Variants in PLXND1 observed in about 807,000 individuals in gnomAD.
PLXND1 encodes plexin-D1.
A neutral mutation model predicts 197.7 loss-of-function variants in PLXND1; 54 were observed. That is an observed-to-expected ratio of 0.27 (90% CI 0.22 to 0.34). PLXND1 has a LOEUF of 0.34. Ranked by LOEUF, PLXND1 falls within the 10% of genes least tolerant of loss-of-function variation. The pLI is 1.00. For synonymous variants in PLXND1, 1,180 were observed against 1,161.2 expected, an observed-to-expected ratio of 1.02 and a Z score of -0.33; for missense variants, 2,127 against 2,699.2, an observed-to-expected ratio of 0.79 and a Z score of 4.70.
chr3:129,604,116 C>T (rs186837397), intron 1 of PLXND1, among the ~76,000 whole-genome samples: 3 of 152,270 alleles, frequency 2.0e-5, no homozygotes, highest in East Asian at 1.9e-4. Context: ...ATGCTGATTC[C>T]GTCAACCTGG....
At chr3:129,583,909 T>C (rs1208148293) in intron 7 of PLXND1, among the ~76,000 whole-genome samples, 1 of 152,208 alleles carries the variant, frequency 6.6e-6, no homozygotes, top group African/African-American at 2.4e-5. Flanking sequence ...CAAAGCACTT[T>C]GCCCCGTCCC....
Position 129,605,877 on chromosome 3 carries a change from A to C in PLXND1, c.763T>G (p.Phe255Val), listed in dbSNP as rs2085784740. ...TTGTCGTCGGAGGGGTTGAGGTCGAAGGTGAAGAGCTTGGCCAGGTCGCCG... is the reference window on the plus strand; with the variant it reads ...TTGTCGTCGGAGGGGTTGAGGTCGACGGTGAAGAGCTTGGCCAGGTCGCCG... The part of the protein sequence containing the change: ...TRGDLAKLFT[F>V]DLNPSDDNIL... Residue 255 changes from phenylalanine to valine, a missense_variant, in exon 1 of 36, where the codon TTC (phenylalanine) becomes GTC (valine). By Grantham distance (50) the Phe-to-Val change is conservative. Transcript: ENST00000324093. 2 of 1,613,584 alleles carry C rather than the reference A, an allele frequency of 1.2e-6. No homozygotes were observed. The highest frequency in any genetic ancestry group is 1.7e-6 in the Non-Finnish European group (2 of 1,179,932).
At chr3:129,573,452 G>T in intron 13 of PLXND1, 142 bp downstream of exon 13, 1 of 809,924 alleles carries the variant, frequency 1.2e-6, no homozygotes, top group Non-Finnish European at 1.9e-6. Flanking sequence ...GAATGGCTTC[G>T]GCACAGGCCT....
intron 22 of PLXND1, among the ~76,000 whole-genome samples, chr3:129,567,254 G>A (rs2085153785): frequency 6.6e-6 from 1 of 152,170 alleles, no homozygotes; most frequent in Non-Finnish European, 1.5e-5. Context: ...AGGACAGCGG[G>A]GCTGCAGCTG....
intron 20 of PLXND1, chr3:129,569,452 A>G (rs2085190825): frequency 5.3e-6 from 1 of 187,636 alleles, no homozygotes. Flanking sequence ...TCTCTGCTAC[A>G]TCGAGTCTAT....
chr3:129,570,595 GC>G (rs1197052691), intron 19 of PLXND1, 190 bp downstream of exon 19: 2 of 621,836 alleles, frequency 3.2e-6, no homozygotes, highest in African/African-American at 3.7e-5. Flanking sequence ...CTGACCTCAA[GC>G]AAGTCACTAA....
At chr3:129,560,133 T>C (rs1418323941) in intron 31 of PLXND1, among the ~76,000 whole-genome samples, 197 bp downstream of exon 31, 2 of 152,238 alleles carry the variant, frequency 1.3e-5, no homozygotes, top group Non-Finnish European at 2.9e-5. Flanking sequence ...GCATTTTTCC[T>C]GGCTGTGAGA....
At chr3:129,573,282 G>C (rs2085264382) in intron 13 of PLXND1, among the ~76,000 whole-genome samples, 1 of 152,042 alleles carries the variant, frequency 6.6e-6, no homozygotes, top group African/African-American at 2.4e-5. Context: ...AGTAGCCCCA[G>C]CCTTTTTAAT....
intron 1 of PLXND1, among the ~76,000 whole-genome samples, chr3:129,594,900 A>T (rs1158978385): frequency 2.6e-5 from 4 of 151,478 alleles, no homozygotes; most frequent in Admixed American, 2.6e-4. Context: ...AGCAGGTCAC[A>T]TCTCCTGTGC....
chr3:129,600,601 G>A (rs1320860980), intron 1 of PLXND1, among the ~76,000 whole-genome samples: 1 of 151,822 alleles, frequency 6.6e-6, no homozygotes, highest in Non-Finnish European at 1.5e-5. Flanking sequence ...ACATTCTCAG[G>A]GCTGGGAGGG....
Position 129,571,611 on chromosome 3 carries a change from A to G in PLXND1, c.3246-12T>C. The G allele has an allele frequency of 6.2e-7, 1 of 1,613,890 alleles. No individual in the cohort carries two copies. The highest frequency in any genetic ancestry group is 8.5e-7 in the Non-Finnish European group (1 of 1,179,888). On this transcript the variant is annotated splice_polypyrimidine_tract_variant and intron_variant, in intron 16 of 35. Transcript: ENST00000324093. ...TGGTCCTGCCGCCACTGCGGGGGAC[A>G]GCAAAACCTATCAGTGCACCTGCAG...
chr3:129,574,489 G>A lies in PLXND1; in HGVS notation c.2532C>T (p.Val844=), dbSNP rs777177811. ...RFLDSPEPMT[V]MVYNCAMGSP... ...TGCCCATGGCACAGTTATAGACCAT[G>A]ACTGGGGAGACACGGGGCAGCTCGG... Residue 844 remains valine, a splice_region_variant and synonymous_variant, in exon 12 of 36, where the codon GTC becomes GTT. Coordinates refer to ENST00000324093, the MANE Select transcript of PLXND1 (RefSeq NM_015103.3). The A allele has an allele frequency of 1.1e-5, 18 of 1,612,278 alleles. No individual in the cohort carries two copies. Among genetic ancestry groups the A allele is most frequent in the Admixed American group, 6.7e-5 (4 of 59,954 alleles).
At chr3:129,562,035 G>C (rs767889015) in intron 27 of PLXND1, 132 bp from the exon 28 acceptor site, 26 of 661,474 alleles carry the variant, frequency 3.9e-5, no homozygotes, top group Non-Finnish European at 5.3e-5. Flanking sequence ...ACCTCTCTCT[G>C]AGCCTCCATT....
Position 129,578,439 on chromosome 3 carries a change from G to T in PLXND1, c.2242-6C>A. ...CGGGGGCAGTCCTGAGGGCTCTGCA[G>T]AGGAAACAGAAGGAGAGGGTGACAC... On this transcript the variant is annotated splice_region_variant and splice_polypyrimidine_tract_variant and intron_variant, in intron 8 of 35. Coordinates refer to ENST00000324093, the MANE Select transcript of PLXND1 (RefSeq NM_015103.3). 1 of 1,558,680 alleles carries T rather than the reference G, an allele frequency of 6.4e-7. No homozygotes were observed. Among genetic ancestry groups the T allele is most frequent in the Non-Finnish European group, 8.7e-7 (1 of 1,144,530 alleles).
chr3:129,574,202 T>C (rs2085276977), intron 12 of PLXND1, 134 bp downstream of exon 12: 1 of 746,692 alleles, frequency 1.3e-6, no homozygotes, highest in East Asian at 2.7e-5. Flanking sequence ...CACTTCCTTT[T>C]GTTCACAGGT....
chr3:129,605,987 C>A lies in PLXND1; in HGVS notation c.653G>T (p.Ser218Ile), dbSNP rs1436499601. The A allele has an allele frequency of 6.2e-7, 1 of 1,611,096 alleles. No individual in the cohort carries two copies. The highest frequency in any genetic ancestry group is 8.5e-7 in the Non-Finnish European group (1 of 1,179,698). Reference protein sequence around the residue: ...LVGATYTGYGSSFFPRNRSLE... With the variant: ...LVGATYTGYGISFFPRNRSLE... ...GCTGCGGTTGCGCGGGAAGAAGGAG[C>A]TGCCGTAACCGGTGTACGTGGCGCC... The change falls in exon 1 of 36, where the codon AGC (serine) becomes ATC (isoleucine). Residue 218 changes from serine (S) to isoleucine (I), a missense_variant. This residue lies in a region of PLXND1 where 1,095 missense variants were observed against 1,259.8 expected (regional missense o/e 0.87). Coordinates refer to ENST00000324093, the MANE Select transcript of PLXND1 (RefSeq NM_015103.3).
At chr3:129,604,350 G>C (rs986477901) in intron 1 of PLXND1, among the ~76,000 whole-genome samples, 1 of 152,192 alleles carries the variant, frequency 6.6e-6, no homozygotes, top group East Asian at 1.9e-4. Flanking sequence ...GCAAAGGCTG[G>C]GCATTAAAAA....
chr3:129,583,094 G>A (rs1229226966), intron 8 of PLXND1, among the ~76,000 whole-genome samples: 3 of 152,210 alleles, frequency 2.0e-5, no homozygotes, highest in Non-Finnish European at 4.4e-5. Context: ...GGGGCAGAGG[G>A]ACTTGGGTTA....
rs2084956236 is a variant in PLXND1, at chr3:129,555,259, C to T, written c.*1053G>A. The T allele has an allele frequency of 6.5e-6, 3 of 463,810 alleles. No homozygotes were observed. Among genetic ancestry groups the T allele is most frequent in the Non-Finnish European group, 1.1e-5 (3 of 265,350 alleles). 28.7% of individuals were successfully genotyped at this position (463,810 alleles called of 1,614,324 possible). On this transcript the variant is annotated 3_prime_UTR_variant, in exon 36 of 36. Coordinates refer to ENST00000324093, the MANE Select transcript of PLXND1 (RefSeq NM_015103.3). ...TTATTATAAAGAAGATTCCAGAGTC[C>T]CAGCTGCCCCCCTCCAGCCCCCATG... is the stretch of plus-strand genomic sequence containing the variant.
Sources: gnomAD v4.1 joint callset for allele counts (sites outside exome capture counted in the v4.1 genomes callset) on GRCh38, gnomAD v4.1.1 for gene constraint, gnomAD v4.1.1 regional missense constraint, MANE v1.5 for transcripts, NCBI Gene and HGNC (gene_info 2026-07-23, HGNC 2026-07-21) for gene names.